BMPR1A: variants seen among roughly 807,000 people sequenced by gnomAD.
BMPR1A encodes bone morphogenetic protein receptor type 1A, also known as bone morphogenetic protein receptor type-1A.
BMPR1A carries 7 observed loss-of-function variants against 66.0 expected under a neutral mutation model. The observed-to-expected ratio is 0.11, with a 90% CI of 0.06 to 0.20. The LOEUF (loss-of-function observed/expected upper bound fraction) is 0.20. Ranked by LOEUF, BMPR1A falls within the 10% of genes least tolerant of loss-of-function variation. The pLI is 1.00. For synonymous variants in BMPR1A, 200 were observed against 229.7 expected, an observed-to-expected ratio of 0.87 and a Z score of 1.17; for missense variants, 408 against 669.1, an observed-to-expected ratio of 0.61 and a Z score of 4.31.
At chr10:86,864,198 A>G (rs1842749460) in intron 2 of BMPR1A, among the ~76,000 whole-genome samples, 1 of 152,168 alleles carries the variant, frequency 6.6e-6, no homozygotes, top group Non-Finnish European at 1.5e-5. Flanking sequence ...TCTACCTGCT[A>G]ATTAGACAGG....
At position 86,885,742 on chromosome 10, in the gene BMPR1A, T is replaced by C. The variant is rs565113356; in HGVS notation, c.68-4320T>C. On this transcript the variant is annotated intron_variant, in intron 3 of 12. Transcript: ENST00000372037. The stretch of plus-strand genomic sequence containing the variant: ...CTGATTATCTCATATGTATAGTGCA[T>C]CAGTAGCCCATTGGTCTCACCAACC... 9.8e-5 allele frequency among the ~76,000 whole-genome samples: 15 copies of C among 152,338 alleles called. No homozygotes were observed. The East Asian group carries it at 2.9e-3, about 29-fold the overall frequency.
intron 3 of BMPR1A, among the ~76,000 whole-genome samples, chr10:86,882,964 C>CA (rs1225071122): frequency 6.6e-6 from 1 of 151,718 alleles, no homozygotes; most frequent in Non-Finnish European, 1.5e-5. Context: ...AACGCCATCT[C>CA]AAAAAACAAA....
intron 1 of BMPR1A, among the ~76,000 whole-genome samples, chr10:86,823,891 G>A (rs1387437779): frequency 6.6e-6 from 1 of 152,156 alleles, no homozygotes; most frequent in African/African-American, 2.4e-5. Context: ...AGCAGTAAAC[G>A]TTAGTGCTCT....
chr10:86,905,056 G>C (rs1323235927), intron 7 of BMPR1A, among the ~76,000 whole-genome samples: 1 of 152,170 alleles, frequency 6.6e-6, no homozygotes, highest in Non-Finnish European at 1.5e-5. Context: ...AGGTCTGTCC[G>C]TCAGCATATT....
intron 1 of BMPR1A, among the ~76,000 whole-genome samples, chr10:86,785,871 A>G (rs944043213): frequency 5.9e-5 from 9 of 152,120 alleles, no homozygotes; most frequent in African/African-American, 9.7e-5. Flanking sequence ...CTTACCACTA[A>G]TTACCACTAA....
chr10:86,892,009 T>G (rs1843156523), intron 4 of BMPR1A, 118 bp from the exon 5 acceptor site: 1 of 783,192 alleles, frequency 1.3e-6, no homozygotes, highest in East Asian at 2.7e-5. Context: ...AATGCAATTC[T>G]AAGTCACAAA....
chr10:86,803,674 A>G (rs535037746), intron 1 of BMPR1A, among the ~76,000 whole-genome samples: 20 of 152,236 alleles, frequency 1.3e-4, no homozygotes, highest in Non-Finnish European at 2.2e-4. Flanking sequence ...TTTGTGACCT[A>G]TCTCTTGACA....
chr10:86,856,759 G>C (rs928252394), intron 2 of BMPR1A, among the ~76,000 whole-genome samples: 2 of 152,290 alleles, frequency 1.3e-5, no homozygotes, highest in African/African-American at 4.8e-5. Flanking sequence ...GACTGCCCTT[G>C]CTGCGAGTAC....
intron 2 of BMPR1A, among the ~76,000 whole-genome samples, chr10:86,862,127 A>G (rs1842720192): frequency 6.6e-6 from 1 of 152,214 alleles, no homozygotes; most frequent in Non-Finnish European, 1.5e-5. Context: ...CAGGCAATAA[A>G]ATACAGAAAA....
At chr10:86,814,754 T>A (rs971996037) in intron 1 of BMPR1A, among the ~76,000 whole-genome samples, 1 of 152,144 alleles carries the variant, frequency 6.6e-6, no homozygotes, top group African/African-American at 2.4e-5. Context: ...GTTGTTTTGT[T>A]GTTTTGTTCC....
chr10:86,877,920 G>A (rs2125053), intron 3 of BMPR1A, among the ~76,000 whole-genome samples: 29,798 of 152,082 alleles, frequency 0.2, 4,669 homozygotes, highest in African/African-American at 0.43. Context: ...CTTTTATTAG[G>A]TGGAATAAGT....
chr10:86,889,805 C>T (rs1843121575), intron 3 of BMPR1A: 2 of 471,128 alleles, frequency 4.2e-6, no homozygotes, highest in Admixed American at 3.7e-5. Context: ...TGCCTTGCGC[C>T]ACTCTTGTTT....
At chr10:86,829,028 C>A (rs749955193) in intron 1 of BMPR1A, among the ~76,000 whole-genome samples, 1 of 152,048 alleles carries the variant, frequency 6.6e-6, no homozygotes, top group South Asian at 2.1e-4. Flanking sequence ...GCACTCCCCT[C>A]GGAATTGCCA....
intron 2 of BMPR1A, among the ~76,000 whole-genome samples, chr10:86,866,399 C>CT (rs1048293127): frequency 0.02 from 1,411 of 69,488 alleles, 121 homozygotes; most frequent in Non-Finnish European, 0.029. Flanking sequence ...AAGTTTCTTT[C>CT]TTTTTTTTTT....
chr10:86,901,281 A>G (rs1843306446), intron 7 of BMPR1A, among the ~76,000 whole-genome samples: 2 of 152,360 alleles, frequency 1.3e-5, no homozygotes, highest in East Asian at 3.9e-4. Context: ...TCCTGAATGC[A>G]TGATCCACAG....
intron 5 of BMPR1A, among the ~76,000 whole-genome samples, chr10:86,896,986 T>C (rs1260711498): frequency 6.6e-6 from 1 of 152,246 alleles, no homozygotes. Context: ...CGCACTGCCA[T>C]GTGTGGCACA....
chr10:86,805,126 A>T (rs971154884), intron 1 of BMPR1A, among the ~76,000 whole-genome samples: 2 of 152,022 alleles, frequency 1.3e-5, no homozygotes, highest in Non-Finnish European at 2.9e-5. Flanking sequence ...CCCTACCCTG[A>T]TAATCTCATT....
At chr10:86,890,872 T>C (rs1422740804) in intron 4 of BMPR1A, among the ~76,000 whole-genome samples, 2 of 152,210 alleles carry the variant, frequency 1.3e-5, no homozygotes, top group Non-Finnish European at 2.9e-5. Context: ...TTCTAGTGTA[T>C]TTCGTGTTAG....
rs1589739769 is a variant in BMPR1A, at chr10:86,837,325, C to T, written c.-267-1540C>T. On this transcript the variant is annotated intron_variant, in intron 1 of 12. Coordinates refer to ENST00000372037, the MANE Select transcript of BMPR1A (RefSeq NM_004329.3). Reference sequence around the variant, plus strand: ...CCTCAAGTGATCCACCCACCTCAGCCTCCCAAAGTGCTGGGATTACAGGCA... The same window carrying T: ...CCTCAAGTGATCCACCCACCTCAGCTTCCCAAAGTGCTGGGATTACAGGCA... Among the ~76,000 whole-genome samples, 3 of 151,764 alleles carry T rather than the reference C, an allele frequency of 2.0e-5. No homozygotes were observed. The South Asian group carries it at 6.2e-4, about 32-fold the overall frequency.
Sources: allele counts gnomAD v4.1 joint callset (sites outside exome capture counted in the v4.1 genomes callset), GRCh38; gene constraint gnomAD v4.1.1; transcripts MANE v1.5; gene names NCBI Gene and HGNC (gene_info 2026-07-23, HGNC 2026-07-21).